Variants in NACC2 observed in about 807,000 individuals in gnomAD.
NACC2 encodes NACC family member 2.
A neutral mutation model predicts 25.1 loss-of-function variants in NACC2; 8 were observed. The ratio of observed to expected loss-of-function variants is 0.32; its 90% CI spans 0.19 to 0.57. NACC2 has a LOEUF of 0.57. Ranked by LOEUF, NACC2 falls within the 20% of genes least tolerant of loss-of-function variation. The pLI, the probability that NACC2 is intolerant of heterozygous loss-of-function variation, is 0.89. For synonymous variants in NACC2, 435 were observed against 294.7 expected, an observed-to-expected ratio of 1.48 and a Z score of -4.88; for missense variants, 644 against 650.2, an observed-to-expected ratio of 0.99 and a Z score of 0.10.
chr9:136,048,724 C>T (rs986394719), intron 2 of NACC2, among the ~76,000 whole-genome samples: 6,619 of 152,324 alleles, frequency 0.043, 378 homozygotes, highest in East Asian at 0.19. Context: ...AGGGACCCAG[C>T]TGGCCTAGGG....
chr9:136,078,988 C>T (rs189085662), intron 1 of NACC2, among the ~76,000 whole-genome samples: 45 of 152,338 alleles, frequency 3.0e-4, no homozygotes, highest in African/African-American at 9.6e-4. Flanking sequence ...CGCCCCTCTC[C>T]GATTCCCTAA....
At position 136,084,154 on chromosome 9, in the gene NACC2, G is replaced by A. The variant is rs1830354054; in HGVS notation, c.-60+11035C>T. ...CATGGATCCAGCCAGGAGGGGACCC[G>A]TCTTTCCAGGAGCAGTGGGTTCCGA... On this transcript the variant is annotated intron_variant, in intron 1 of 5. Coordinates refer to ENST00000277554, the MANE Select transcript of NACC2 (RefSeq NM_144653.5). The surrounding 1 kb of genome is among the most constrained non-coding windows in gnomAD (Gnocchi z 5.1). 2.6e-5 allele frequency among the ~76,000 whole-genome samples: 4 copies of A among 152,088 alleles called. No homozygotes were observed. Among genetic ancestry groups the A allele is most frequent in the Non-Finnish European group, 1.5e-5 (1 of 68,014 alleles).
chr9:136,025,612 AT>A (rs1213571581), intron 2 of NACC2, among the ~76,000 whole-genome samples: 4 of 151,758 alleles, frequency 2.6e-5, no homozygotes, highest in African/African-American at 9.7e-5. Flanking sequence ...ATTAAGTCCT[AT>A]TAAAAAAAAA....
At chr9:136,057,575 C>T (rs893512662) in intron 1 of NACC2, among the ~76,000 whole-genome samples, 3 of 152,250 alleles carry the variant, frequency 2.0e-5, no homozygotes, top group Admixed American at 6.5e-5. Context: ...ATTTAAATAA[C>T]GTAAGCTTGA....
At chr9:136,062,172 CAGGAA>C (rs1250312166) in intron 1 of NACC2, among the ~76,000 whole-genome samples, 13 of 97,804 alleles carry the variant, frequency 1.3e-4, no homozygotes, top group Admixed American at 4.6e-4. Context: ...CAGGACAGGA[CAGGAA>C]AGGAAAGAGA....
At position 136,011,554 on chromosome 9, in the gene NACC2, C is replaced by G. The variant is rs1244219225; in HGVS notation, c.1726G>C (p.Ala576Pro). 3 of 1,407,950 alleles carry G rather than the reference C, an allele frequency of 2.1e-6. No individual in the cohort carries two copies. The highest frequency in any genetic ancestry group is 1.8e-6 in the Non-Finnish European group (2 of 1,087,104). 87.2% of individuals were successfully genotyped at this position (1,407,950 alleles called of 1,614,324 possible). A position where few individuals can be genotyped will look rare whatever the true frequency, so the allele number is the denominator to read the frequency against. Reference protein sequence around the residue: ...PSRPQTPAAAARRPEGTYAGT... With the variant: ...PSRPQTPAAAPRRPEGTYAGT... ...GCATAGGTGCCCTCCGGCCTCCGGG[C>G]CGCGGCCGCCGGCGTCTGGGGCCTG... is the stretch of plus-strand genomic sequence containing the variant. The change falls in exon 6 of 6, where the codon GCC becomes CCC. Residue 576 changes from alanine to proline, a missense_variant. By Grantham distance (27) the Ala-to-Pro change is conservative. Coordinates refer to ENST00000277554, the MANE Select transcript of NACC2 (RefSeq NM_144653.5).
chr9:136,007,667 G>C lies in NACC2; in HGVS notation c.*3849C>G, dbSNP rs546617794. On this transcript the variant is annotated 3_prime_UTR_variant, in exon 6 of 6. Coordinates refer to ENST00000277554, the MANE Select transcript of NACC2 (RefSeq NM_144653.5). ...AGTAGTTACAGCTGAGGACAGCTAC[G>C]AGCTCTGGATTCTGCGCTTAGGACT... is the stretch of plus-strand genomic sequence containing the variant. 6.6e-6 allele frequency: 1 copy of C among 152,268 alleles called. No homozygotes were observed. The highest frequency in any genetic ancestry group is 2.4e-5 in the African/African-American group (1 of 41,458). 9.4% of individuals were successfully genotyped at this position (152,268 alleles called of 1,614,324 possible).
At chr9:136,088,211 T>C (rs1362406607) in intron 1 of NACC2, among the ~76,000 whole-genome samples, 1 of 152,190 alleles carries the variant, frequency 6.6e-6, no homozygotes, top group Non-Finnish European at 1.5e-5. Flanking sequence ...TCCGGCTCCC[T>C]TCCAGTGGGA....
In NACC2 at chr9:136,011,520, AAGGTCCCTGCAT is replaced by A; in HGVS notation, c.1748_1759del (p.Tyr583_Thr586del). On this transcript the variant is annotated inframe_deletion, in exon 6 of 6. Coordinates refer to ENST00000277554, the MANE Select transcript of NACC2 (RefSeq NM_144653.5). ...CGCGCAGCCACCCAGCTCCGCTTAC[AAGGTCCCTGCAT>A]AGGTGCCCTCCGGCCTCCGGGCCGC... is the stretch of plus-strand genomic sequence containing the variant. The A allele has an allele frequency of 7.2e-7, 1 of 1,383,096 alleles. No homozygotes were observed. The highest frequency in any genetic ancestry group is 1.8e-5 in the South Asian group (1 of 54,464). 85.7% of individuals were successfully genotyped at this position (1,383,096 alleles called of 1,614,324 possible).
chr9:136,009,784 AG>A lies in NACC2; in HGVS notation c.*1731del, dbSNP rs1840076681. 1 of 152,330 alleles carries A rather than the reference AG, an allele frequency of 6.6e-6. No individual in the cohort carries two copies. Among genetic ancestry groups the A allele is most frequent in the Non-Finnish European group, 1.5e-5 (1 of 68,274 alleles). The allele number at this position is 152,330 out of a possible 1,614,324, so 9.4% of individuals were successfully genotyped here. A position where few individuals can be genotyped will look rare whatever the true frequency, so the allele number is the denominator to read the frequency against. Reference sequence around the variant, plus strand: ...GCGGCCTCCGCTTGATGGGTTGTGGAGGTTGGGGGAGTGGGGTGCGCTGGTC... The same window carrying A: ...GCGGCCTCCGCTTGATGGGTTGTGGAGTTGGGGGAGTGGGGTGCGCTGGTC... On this transcript the variant is annotated 3_prime_UTR_variant, in exon 6 of 6. Coordinates refer to ENST00000277554, the MANE Select transcript of NACC2 (RefSeq NM_144653.5).
At chr9:136,045,410 C>T (rs995274818) in intron 2 of NACC2, among the ~76,000 whole-genome samples, 2 of 152,200 alleles carry the variant, frequency 1.3e-5, no homozygotes, top group East Asian at 1.9e-4. Context: ...AAAGGGTTAC[C>T]GTGGAAGTGT....
At chr9:136,031,480 G>C (rs1032212524) in intron 2 of NACC2, among the ~76,000 whole-genome samples, 3 of 152,166 alleles carry the variant, frequency 2.0e-5, no homozygotes, top group South Asian at 2.1e-4. Flanking sequence ...TGGGATTACA[G>C]GTGTGCGCCA....
intron 2 of NACC2, among the ~76,000 whole-genome samples, chr9:136,029,540 C>A (rs575787095): frequency 6.6e-6 from 1 of 152,238 alleles, no homozygotes; most frequent in African/African-American, 2.4e-5. Flanking sequence ...TTGCCCACCA[C>A]GTTGTGGGCA....
At chr9:136,023,071 G>A (rs1840318322) in intron 2 of NACC2, among the ~76,000 whole-genome samples, 1 of 47,068 alleles carries the variant, frequency 2.1e-5, no homozygotes, top group African/African-American at 9.1e-5. Context: ...GAGGGAAGAG[G>A]GAGGGAGGAG....
At chr9:136,067,643 T>A (rs1841102403) in intron 1 of NACC2, among the ~76,000 whole-genome samples, 1 of 152,212 alleles carries the variant, frequency 6.6e-6, no homozygotes, top group African/African-American at 2.4e-5. Context: ...CGAGACCATC[T>A]GGCCAACATG....
chr9:136,064,531 A>G (rs1199873526), intron 1 of NACC2, among the ~76,000 whole-genome samples: 3 of 152,240 alleles, frequency 2.0e-5, no homozygotes, highest in Non-Finnish European at 2.9e-5. Flanking sequence ...AAGCTTCAAA[A>G]TTTTGTTGAA....
chr9:136,080,895 C>G (rs1465075810), intron 1 of NACC2, among the ~76,000 whole-genome samples: 2 of 152,184 alleles, frequency 1.3e-5, no homozygotes, highest in Non-Finnish European at 2.9e-5. Context: ...CCCCTGCGTG[C>G]TAGGGTGCCA....
At chr9:136,073,504 G>C (rs758240411) in intron 1 of NACC2, among the ~76,000 whole-genome samples, 1 of 152,082 alleles carries the variant, frequency 6.6e-6, no homozygotes, top group Admixed American at 6.6e-5. Context: ...TGTGAGCGTG[G>C]ATCCAGCTGT....
intron 2 of NACC2, among the ~76,000 whole-genome samples, chr9:136,044,512 G>A (rs1278993337): frequency 1.3e-5 from 2 of 152,070 alleles, no homozygotes; most frequent in Admixed American, 6.5e-5. Context: ...TCTCTGCTTG[G>A]GGCCTCCTCT....
Sources: gnomAD v4.1 joint callset for allele counts (sites outside exome capture counted in the v4.1 genomes callset) on GRCh38, gnomAD v4.1.1 for gene constraint, Gnocchi (gnomAD v3.1) non-coding constraint, MANE v1.5 for transcripts, NCBI Gene and HGNC (gene_info 2026-07-23, HGNC 2026-07-21) for gene names.